The following MAP4K3 variants were observed in gnomAD, a reference collection of about 807,000 sequenced individuals.
MAP4K3 encodes MAPK/ERK kinase kinase kinase 3.
Under a neutral mutation model 143.5 loss-of-function variants are expected in MAP4K3, and 94 were observed. The observed-to-expected ratio is 0.65, with a 90% CI of 0.55 to 0.78. The LOEUF (loss-of-function observed/expected upper bound fraction) is 0.78, where lower values mean the gene tolerates loss of function less well. Ranked by LOEUF, MAP4K3 falls within the 30% of genes least tolerant of loss-of-function variation. The probability of loss-of-function intolerance (pLI) is 0.00; values close to 1 mark genes in which losing one functional copy is unlikely to be tolerated. For missense variants in MAP4K3, 1,077 were observed against 1,068.1 expected (o/e 1.01, Z -0.12); for synonymous variants, 416 against 347.2 (o/e 1.20, Z -2.20).
chr2:39,344,121 G>A (rs1223692287), intron 3 of MAP4K3, among the ~76,000 whole-genome samples: 1 of 152,206 alleles, frequency 6.6e-6, no homozygotes, highest in East Asian at 1.9e-4. Context: ...CTCTAATGCA[G>A]AAGAAAGATT....
At chr2:39,411,801 C>T (rs916496732) in intron 1 of MAP4K3, among the ~76,000 whole-genome samples, 16 of 152,146 alleles carry the variant, frequency 1.1e-4, no homozygotes, top group Admixed American at 8.5e-4. Context: ...AGTGACTAAA[C>T]GTAATGGCTT....
intron 16 of MAP4K3, 24 bp from the exon 17 acceptor site, chr2:39,293,292 A>C: frequency 7.3e-7 from 1 of 1,375,168 alleles, no homozygotes; most frequent in Non-Finnish European, 1.0e-6. Context: ...ACAAAAACAA[A>C]AAATAATGTG....
At position 39,325,949 on chromosome 2, in the gene MAP4K3, T is replaced by C. The variant is rs1683477602; in HGVS notation, c.675A>G (p.Leu225=). 1 of 1,594,278 alleles carries C rather than the reference T, an allele frequency of 6.3e-7. No homozygotes were observed. The highest frequency in any genetic ancestry group is 1.7e-5 in the Admixed American group (1 of 58,992). ...FDLHPMRALF[L]MTKSNFQPPK... ...GAGGCTGAAAATTGCTTTTTGTCAT[T>C]AGAAATAATGCTCTGAAAAATCAAC... is the stretch of plus-strand genomic sequence containing the variant. The change falls in exon 10 of 34, where the codon CTA becomes CTG. Residue 225 remains leucine, a synonymous_variant. Transcript: ENST00000263881.
intron 5 of MAP4K3, 67 bp downstream of exon 5, chr2:39,337,459 G>C: frequency 6.2e-6 from 7 of 1,137,386 alleles, no homozygotes; most frequent in Non-Finnish European, 9.3e-6. Context: ...TGCTGAACAG[G>C]TAATGCACAG....
intron 2 of MAP4K3, among the ~76,000 whole-genome samples, chr2:39,370,619 T>C (rs953826656): frequency 2.0e-5 from 3 of 152,184 alleles, no homozygotes; most frequent in Non-Finnish European, 2.9e-5. Flanking sequence ...AAATTTAGCT[T>C]TACAATTTAA....
chr2:39,307,882 TAAAAG>T (rs1427770843), intron 15 of MAP4K3, 56 bp downstream of exon 15: 27 of 1,317,492 alleles, frequency 2.0e-5, no homozygotes, highest in Admixed American at 2.0e-4. Context: ...TGTTTGATCT[TAAAAG>T]AAAACAATTA....
In MAP4K3 at chr2:39,343,500, T is replaced by C. The variant is rs1665200097; in HGVS notation, c.246-48A>G. 10 of 1,473,078 alleles carry C rather than the reference T, an allele frequency of 6.8e-6. 1 individual carries two copies. In the South Asian group the frequency reaches 1.2e-4, roughly 17 times the overall value. The allele number at this position is 1,473,078 out of a possible 1,614,324, so 91.3% of individuals were successfully genotyped here. On this transcript the variant is annotated intron_variant, in intron 3 of 33. Coordinates refer to ENST00000263881, the MANE Select transcript of MAP4K3 (RefSeq NM_003618.4). ...TATCATATTTTCATGATTAAAACTG[T>C]CTGTGTGAGGTAACAAGTATTTTAA...
At position 39,423,280 on chromosome 2, in the gene MAP4K3, G is replaced by C. The variant is rs1320837853; in HGVS notation, c.96+13612C>G. Among the ~76,000 whole-genome samples, 4 of 152,226 alleles carry C rather than the reference G, an allele frequency of 2.6e-5. No individual in the cohort carries two copies. In the East Asian group the frequency reaches 7.7e-4, roughly 29 times the overall value. On this transcript the variant is annotated intron_variant, in intron 1 of 33. Transcript: ENST00000263881. The stretch of plus-strand genomic sequence containing the variant: ...ACACTACACCACCAAATGCTGGTGG[G>C]GATGTGGAGCAACAGGAACTCTCAT...
intron 32 of MAP4K3, among the ~76,000 whole-genome samples, 171 bp from the exon 33 acceptor site, chr2:39,252,056 G>C (rs1435392387): frequency 3.3e-5 from 5 of 152,182 alleles, no homozygotes; most frequent in African/African-American, 1.2e-4. Context: ...GTTAGTCGAG[G>C]GGAAATGTGG....
chr2:39,281,741 T>C (rs1681537754), intron 22 of MAP4K3, among the ~76,000 whole-genome samples: 1 of 151,534 alleles, frequency 6.6e-6, no homozygotes, highest in African/African-American at 2.4e-5. Context: ...CTGTAATATA[T>C]ATGCTATATA....
chr2:39,398,867 AC>A lies in MAP4K3; in HGVS notation c.97-20745del, dbSNP rs200162071. On this transcript the variant is annotated intron_variant, in intron 1 of 33. Transcript: ENST00000263881. ...AGACCAGCCTGGCCAACATGGCGAA[AC>A]CCTGTCACTACCAAAAAATATGAAA... 5.8e-3 allele frequency among the ~76,000 whole-genome samples: 880 copies of A among 151,414 alleles called. 3 individuals are homozygous for A. The highest frequency in any genetic ancestry group is 0.024 in the Middle Eastern group (7 of 292).
rs930089572 is a variant in MAP4K3 at position 39,301,897 on chromosome 2, G to A, written c.1120-2096C>T. 8.6e-5 allele frequency among the ~76,000 whole-genome samples: 13 copies of A among 152,012 alleles called. No individual in the cohort carries two copies. In the South Asian group the frequency reaches 2.1e-3, roughly 24 times the overall value. ...AGATTAGCTGGGCGTGGTGGCTCGC[G>A]CCTGTAGTCCCAGCTACTCGGGAGG... On this transcript the variant is annotated intron_variant, in intron 15 of 33. Coordinates refer to ENST00000263881, the MANE Select transcript of MAP4K3 (RefSeq NM_003618.4).
At chr2:39,308,956 T>C (rs990353267) in intron 14 of MAP4K3, among the ~76,000 whole-genome samples, 1 of 151,298 alleles carries the variant, frequency 6.6e-6, no homozygotes, top group African/African-American at 2.4e-5. Flanking sequence ...AGAGAAAAAA[T>C]AAAAAATAAA....
chr2:39,359,321 C>G (rs954328975), intron 2 of MAP4K3, among the ~76,000 whole-genome samples: 1 of 152,220 alleles, frequency 6.6e-6, no homozygotes, highest in Non-Finnish European at 1.5e-5. Context: ...GACTCCATGT[C>G]TCACATCCAG....
At chr2:39,280,434 T>C in intron 22 of MAP4K3, 78 bp from the exon 23 acceptor site, 1 of 758,490 alleles carries the variant, frequency 1.3e-6, no homozygotes, top group South Asian at 2.2e-5. Context: ...CTATTATCTA[T>C]TTTAATGTGA....
At chr2:39,316,360 A>G (rs1347924534) in intron 12 of MAP4K3, among the ~76,000 whole-genome samples, 1 of 152,120 alleles carries the variant, frequency 6.6e-6, no homozygotes, top group Non-Finnish European at 1.5e-5. Context: ...CTAGCTTGTC[A>G]GGAACAAAAC....
At chr2:39,356,674 T>C (rs1464669361) in intron 2 of MAP4K3, among the ~76,000 whole-genome samples, 4 of 152,178 alleles carry the variant, frequency 2.6e-5, no homozygotes, top group South Asian at 2.1e-4. Flanking sequence ...AATAATAGCC[T>C]ATCTCATAGG....
At chr2:39,358,764 G>T (rs545035069) in intron 2 of MAP4K3, among the ~76,000 whole-genome samples, 1 of 152,134 alleles carries the variant, frequency 6.6e-6, no homozygotes, top group Non-Finnish European at 1.5e-5. Context: ...TTTGTTCAAG[G>T]CTCATGAGAA....
chr2:39,378,714 C>T (rs1243394321), intron 1 of MAP4K3, among the ~76,000 whole-genome samples: 2 of 152,074 alleles, frequency 1.3e-5, no homozygotes, highest in African/African-American at 4.8e-5. Flanking sequence ...CTTTTAAACA[C>T]ACCTGATGGT....
Sources: allele counts gnomAD v4.1 joint callset (sites outside exome capture counted in the v4.1 genomes callset), GRCh38; gene constraint gnomAD v4.1.1; transcripts MANE v1.5; gene names NCBI Gene and HGNC (gene_info 2026-07-23, HGNC 2026-07-21).